The following SORCS3 variants were observed in gnomAD, a reference collection of about 807,000 sequenced individuals.
SORCS3 encodes sortilin related VPS10 domain containing receptor 3, also known as VPS10 domain-containing receptor SorCS3.
Under a neutral mutation model 146.3 loss-of-function variants are expected in SORCS3, and 57 were observed. The observed-to-expected ratio is 0.39, with a 90% CI of 0.31 to 0.49. The LOEUF is 0.49. Ranked by LOEUF, SORCS3 falls within the 20% of genes least tolerant of loss-of-function variation. The pLI is 0.92. For missense variants in SORCS3, 1,341 were observed against 1,575.5 expected (o/e 0.85, Z 2.52); for synonymous variants, 653 against 618.5 (o/e 1.06, Z -0.83).
intron 26 of SORCS3, among the ~76,000 whole-genome samples, chr10:105,262,869 C>T (rs1259786806): frequency 6.6e-6 from 1 of 152,214 alleles, no homozygotes; most frequent in Non-Finnish European, 1.5e-5. Context: ...TAATCTACTA[C>T]ATCTGTGACC....
chr10:104,666,314 G>C (rs911033872), intron 1 of SORCS3: 5 of 152,102 alleles, frequency 3.3e-5, no homozygotes, highest in Non-Finnish European at 5.9e-5. Context: ...CATTTCCTCC[G>C]AGTCACAGAG....
At chr10:104,834,696 C>CTTT (rs2018045631) in intron 1 of SORCS3, among the ~76,000 whole-genome samples, 1 of 139,376 alleles carries the variant, frequency 7.2e-6, no homozygotes, top group African/African-American at 3.0e-5. Context: ...CATTTGTTAC[C>CTTT]TATTTTTTTT....
At chr10:104,693,216 C>A (rs148940406) in intron 1 of SORCS3, among the ~76,000 whole-genome samples, 155 of 152,280 alleles carry the variant, frequency 1.0e-3, no homozygotes, top group African/African-American at 3.1e-3. Flanking sequence ...TTATCCTTCA[C>A]TTGTGCAGCC....
At chr10:104,702,578 G>A (rs189116599) in intron 1 of SORCS3, among the ~76,000 whole-genome samples, 24 of 152,274 alleles carry the variant, frequency 1.6e-4, no homozygotes, top group African/African-American at 5.1e-4. Flanking sequence ...GTGAACCACC[G>A]TGCCTGGCAG....
chr10:104,656,691 G>A (rs572538473), intron 1 of SORCS3, among the ~76,000 whole-genome samples: 1 of 152,134 alleles, frequency 6.6e-6, no homozygotes, highest in South Asian at 2.1e-4. Flanking sequence ...AAGAAAAAAA[G>A]TAAAGAGGTG....
chr10:104,856,319 A>G (rs1240835733), intron 2 of SORCS3, among the ~76,000 whole-genome samples: 2 of 150,980 alleles, frequency 1.3e-5, no homozygotes, highest in African/African-American at 4.9e-5. Flanking sequence ...TTAGAGGCAT[A>G]TATATATAAA....
intron 13 of SORCS3, among the ~76,000 whole-genome samples, chr10:105,175,902 A>G (rs2056398052): frequency 6.6e-6 from 1 of 152,194 alleles, no homozygotes; most frequent in Admixed American, 6.5e-5. Flanking sequence ...TAGCTGGGTT[A>G]AGAGATTGAC....
intron 5 of SORCS3, among the ~76,000 whole-genome samples, chr10:105,061,883 G>A (rs2055490307): frequency 6.6e-6 from 1 of 152,098 alleles, no homozygotes; most frequent in Non-Finnish European, 1.5e-5. Context: ...TGAGATGTGG[G>A]CTGCCACCAG....
At position 105,223,246 on chromosome 10, in the gene SORCS3, A is replaced by C. The variant is rs774640325; in HGVS notation, c.2865A>C (p.Thr955=). The C allele has an allele frequency of 6.2e-7, 1 of 1,610,848 alleles. No individual in the cohort carries two copies. Among genetic ancestry groups the C allele is most frequent in the Non-Finnish European group, 8.5e-7 (1 of 1,177,698 alleles). ...ATTTCTGGTGGTTCGGCAATAGCAC[A>C]AAGGTTTGGCCCTTTCTGATTGATG... ...LTYFWWFGNS[T]KPLITLDSSI... The change falls in exon 20 of 27, where the codon ACA becomes ACC. Residue 955 remains threonine, a synonymous_variant. Coordinates refer to ENST00000369701, the MANE Select transcript of SORCS3 (RefSeq NM_014978.3).
chr10:105,118,344 C>T (rs2055907420), intron 7 of SORCS3, among the ~76,000 whole-genome samples: 1 of 152,112 alleles, frequency 6.6e-6, no homozygotes, highest in Non-Finnish European at 1.5e-5. Context: ...TTGTAAGTTT[C>T]CTGAGGCCTT....
At chr10:105,175,236 T>G (rs2056391221) in intron 13 of SORCS3, among the ~76,000 whole-genome samples, 2 of 144,290 alleles carry the variant, frequency 1.4e-5, no homozygotes, top group South Asian at 2.3e-4. Flanking sequence ...TTTTTTTTTG[T>G]ATTTAGTAGA....
At chr10:104,832,181 C>T (rs747700796) in intron 1 of SORCS3, among the ~76,000 whole-genome samples, 6 of 152,080 alleles carry the variant, frequency 3.9e-5, no homozygotes, top group African/African-American at 9.7e-5. Context: ...TGTAGTCTTC[C>T]GTTAACTTGT....
intron 14 of SORCS3, among the ~76,000 whole-genome samples, chr10:105,197,251 C>T (rs1340549340): frequency 6.6e-6 from 1 of 152,176 alleles, no homozygotes; most frequent in Non-Finnish European, 1.5e-5. Flanking sequence ...ATGCAGTGTA[C>T]CGTCTTAGTC....
At chr10:105,239,272 A>G (rs1194528047) in intron 20 of SORCS3, among the ~76,000 whole-genome samples, 4 of 152,216 alleles carry the variant, frequency 2.6e-5, no homozygotes, top group African/African-American at 7.2e-5. Context: ...ACACATTACT[A>G]TATAATCTGC....
chr10:105,221,486 A>G (rs1396669819), intron 19 of SORCS3, among the ~76,000 whole-genome samples: 1 of 152,212 alleles, frequency 6.6e-6, no homozygotes, highest in African/African-American at 2.4e-5. Context: ...TGTTCTTATT[A>G]ATATAAGGAA....
At chr10:105,188,279 A>G (rs934452031) in intron 14 of SORCS3, among the ~76,000 whole-genome samples, 7 of 152,140 alleles carry the variant, frequency 4.6e-5, no homozygotes, top group African/African-American at 1.4e-4. Flanking sequence ...ATGAGAGTGC[A>G]TTATTTTTAT....
intron 4 of SORCS3, among the ~76,000 whole-genome samples, chr10:105,017,946 C>A (rs1202133600): frequency 6.6e-6 from 1 of 152,160 alleles, no homozygotes; most frequent in African/African-American, 2.4e-5. Context: ...CTATGGAATG[C>A]ATTTCTTTCT....
Position 105,252,910 on chromosome 10 carries a change from A to T in SORCS3, c.3237+4A>T. 6.2e-7 allele frequency: 1 copy of T among 1,613,600 alleles called. No individual in the cohort carries two copies. Among genetic ancestry groups the T allele is most frequent in the Non-Finnish European group, 8.5e-7 (1 of 1,179,744 alleles). On this transcript the variant is annotated splice_donor_region_variant and intron_variant, in intron 23 of 26. Transcript: ENST00000369701. ...CAATGAAGGGGACCTGGAACAAGTA[A>T]GTGAAAGTAAATCTGGCTGGGACCC...
chr10:104,853,248 A>C (rs1028102046), intron 2 of SORCS3, among the ~76,000 whole-genome samples: 2 of 152,212 alleles, frequency 1.3e-5, no homozygotes, highest in Admixed American at 6.5e-5. Flanking sequence ...GCAGTGAGCC[A>C]AGATTGCACC....
Sources: gnomAD v4.1 joint callset for allele counts (sites outside exome capture counted in the v4.1 genomes callset) on GRCh38, gnomAD v4.1.1 for gene constraint, MANE v1.5 for transcripts, NCBI Gene and HGNC (gene_info 2026-07-23, HGNC 2026-07-21) for gene names.